The following POTEJ variants were observed in gnomAD, a reference collection of about 807,000 sequenced individuals.
POTEJ encodes POTE ankyrin domain family, member J.
Under a neutral mutation model 69.0 loss-of-function variants are expected in POTEJ, and 11 were observed. The ratio of observed to expected loss-of-function variants is 0.16; its 90% CI spans 0.10 to 0.26. The LOEUF (loss-of-function observed/expected upper bound fraction) is 0.26. POTEJ is among the 10% of genes least tolerant of loss of function. The probability of loss-of-function intolerance (pLI) is 1.00; values close to 1 mark genes in which losing one functional copy is unlikely to be tolerated. For synonymous variants in POTEJ, 117 were observed against 381.1 expected (o/e 0.31, Z 8.07); for missense variants, 327 against 1,045.5 (o/e 0.31, Z 9.48).
chr2:130,615,628 A>C lies in POTEJ; in HGVS notation c.411-1162A>C, dbSNP rs1685385848. Among the ~76,000 whole-genome samples the C allele has an allele frequency of 1.4e-5, 2 of 141,742 alleles. 1 individual carries two copies. The highest frequency in any genetic ancestry group is 3.0e-5 in the Non-Finnish European group (2 of 65,594). The allele number at this position is 141,742 out of a possible 152,430, so 93.0% of individuals were successfully genotyped here. Reference sequence around the variant, plus strand: ...AGAGGGTGGAGGGTGGGAAGAGGGAAAGAAGCAGGAAATAGAACGAACGGG... The same window carrying C: ...AGAGGGTGGAGGGTGGGAAGAGGGACAGAAGCAGGAAATAGAACGAACGGG... On this transcript the variant is annotated intron_variant, in intron 1 of 14. Coordinates refer to ENST00000409602, the MANE Select transcript of POTEJ (RefSeq NM_001277083.2).
At chr2:130,632,774 C>G (rs1164065479) in intron 9 of POTEJ, 118 bp downstream of exon 9, 1 of 1,331,068 alleles carries the variant, frequency 7.5e-7, no homozygotes, top group Non-Finnish European at 1.0e-6. Flanking sequence ...CAGCCTTGCC[C>G]ATTAATCAGA....
intron 6 of POTEJ, among the ~76,000 whole-genome samples, chr2:130,626,922 A>G (rs1184159011): frequency 1.3e-5 from 2 of 152,142 alleles, no homozygotes; most frequent in African/African-American, 2.4e-5. Flanking sequence ...TTTTTTAAAT[A>G]AAAGCCATTT....
intron 9 of POTEJ, among the ~76,000 whole-genome samples, chr2:130,638,084 A>T (rs542246976): frequency 1.3e-5 from 2 of 149,404 alleles, no homozygotes; most frequent in East Asian, 3.9e-4. Context: ...ACATTTGCAT[A>T]TTAGAACCTA....
intron 1 of POTEJ, among the ~76,000 whole-genome samples, chr2:130,614,282 CAG>C: frequency 6.6e-6 from 1 of 151,908 alleles, no homozygotes; most frequent in South Asian, 2.1e-4. Context: ...GCTTTTCAAA[CAG>C]ACACTTTAGT....
At chr2:130,613,086 G>A (rs950376740) in intron 1 of POTEJ, among the ~76,000 whole-genome samples, 7 of 134,890 alleles carry the variant, frequency 5.2e-5, no homozygotes, top group African/African-American at 2.0e-4. Context: ...ATTTAAAAAA[G>A]ATGGATTGTT....
At position 130,657,041 on chromosome 2, in the gene POTEJ, C is replaced by G. The variant is rs1017929854; in HGVS notation, c.2281C>G (p.Pro761Ala). 3 of 1,581,866 alleles carry G rather than the reference C, an allele frequency of 1.9e-6. No individual in the cohort carries two copies. The African/African-American group carries it at 4.4e-5, about 23-fold the overall frequency. Reference sequence around the variant, plus strand: ...CTTCTACAACGAGCTGCGTGTGGCCCCCGAGGAGCACCCCATCCTGCTGAC... The same window carrying G: ...CTTCTACAACGAGCTGCGTGTGGCCGCCGAGGAGCACCCCATCCTGCTGAC... ...HTFYNELRVA[P>A]EEHPILLTEA... Residue 761 changes from proline (P) to alanine (A), a missense_variant, in exon 15 of 15, where the codon CCC becomes GCC. Transcript: ENST00000409602.
At chr2:130,641,567 G>C (rs1296130464) in intron 10 of POTEJ, among the ~76,000 whole-genome samples, 2 of 151,244 alleles carry the variant, frequency 1.3e-5, no homozygotes, top group East Asian at 1.9e-4. Context: ...AATGAGAAAG[G>C]CTTGGGGGAC....
intron 9 of POTEJ, among the ~76,000 whole-genome samples, chr2:130,637,686 G>C (rs1353083813): frequency 6.6e-6 from 1 of 152,266 alleles, no homozygotes; most frequent in Non-Finnish European, 1.5e-5. Context: ...TTGTTAGTAT[G>C]TATGTTAAAA....
chr2:130,624,677 G>A (rs1685639425), intron 6 of POTEJ, among the ~76,000 whole-genome samples: 1 of 151,860 alleles, frequency 6.6e-6, no homozygotes, highest in African/African-American at 2.4e-5. Flanking sequence ...TGGCCTGGGA[G>A]TTGAGGACCC....
At chr2:130,641,942 T>C (rs1302138582) in intron 10 of POTEJ, among the ~76,000 whole-genome samples, 8 of 152,154 alleles carry the variant, frequency 5.3e-5, no homozygotes, top group African/African-American at 1.7e-4. Context: ...TAGATGAAGA[T>C]GAATATCAGA....
At chr2:130,649,664 A>G (rs1686732757) in intron 13 of POTEJ, among the ~76,000 whole-genome samples, 1 of 152,112 alleles carries the variant, frequency 6.6e-6, no homozygotes, top group African/African-American at 2.4e-5. Context: ...CTAATAACTG[A>G]AAGGCAGTAA....
intron 12 of POTEJ, 125 bp downstream of exon 12, chr2:130,645,906 TTAAA>T (rs1686560581): frequency 3.8e-6 from 1 of 263,396 alleles, no homozygotes; most frequent in Non-Finnish European, 7.2e-6. Flanking sequence ...CAGTGAAAAA[TTAAA>T]TAGTTAACTC....
intron 13 of POTEJ, among the ~76,000 whole-genome samples, chr2:130,651,942 T>G (rs1362231322): frequency 1.5e-5 from 2 of 136,852 alleles, no homozygotes; most frequent in Non-Finnish European, 3.1e-5. Context: ...GAATTATAAA[T>G]AATGACATTT....
chr2:130,636,480 GA>G (rs66975392), intron 9 of POTEJ, among the ~76,000 whole-genome samples: 176 of 137,112 alleles, frequency 1.3e-3, no homozygotes, highest in African/African-American at 4.3e-3. Context: ...TTTTGTATTA[GA>G]AAAAAAAAAA....
At chr2:130,624,349 T>A (rs1464852113) in intron 6 of POTEJ, among the ~76,000 whole-genome samples, 2 of 141,200 alleles carry the variant, frequency 1.4e-5, no homozygotes, top group Non-Finnish European at 3.0e-5. Flanking sequence ...TAATGTAGAA[T>A]CCGTGGAAGC....
chr2:130,641,215 T>A (rs1686359448), intron 10 of POTEJ, among the ~76,000 whole-genome samples: 1 of 152,240 alleles, frequency 6.6e-6, no homozygotes, highest in South Asian at 2.1e-4. Context: ...TGGGAGATAA[T>A]CATGCAAAGA....
intron 6 of POTEJ, among the ~76,000 whole-genome samples, chr2:130,624,854 T>A (rs1256827946): frequency 6.6e-6 from 1 of 152,236 alleles, no homozygotes; most frequent in South Asian, 2.1e-4. Flanking sequence ...ATATTTACTT[T>A]GTTGGAACAA....
At chr2:130,639,441 T>G (rs1233165786) in intron 10 of POTEJ, among the ~76,000 whole-genome samples, 2 of 152,304 alleles carry the variant, frequency 1.3e-5, no homozygotes, top group African/African-American at 4.8e-5. Flanking sequence ...TTCCACCGGC[T>G]GGTTAATTGT....
chr2:130,656,507 A>C, intron 14 of POTEJ, 42 bp from the exon 15 acceptor site: 2 of 1,583,932 alleles, frequency 1.3e-6, no homozygotes, highest in Non-Finnish European at 1.7e-6. Context: ...ATGTTATGTC[A>C]ATCTATTGAG....
Sources: gnomAD v4.1 joint callset for allele counts (sites outside exome capture counted in the v4.1 genomes callset) on GRCh38, gnomAD v4.1.1 for gene constraint, MANE v1.5 for transcripts, NCBI Gene and HGNC (gene_info 2026-07-23, HGNC 2026-07-21) for gene names.